URB1: variants seen among roughly 807,000 people sequenced by gnomAD.
URB1 encodes the protein URB1 ribosome biogenesis factor.
Under a neutral mutation model 242.3 loss-of-function variants are expected in URB1, and 197 were observed. The ratio of observed to expected loss-of-function variants is 0.81; its 90% CI spans 0.72 to 0.91. URB1 has a LOEUF of 0.91. Among genes scored for constraint, URB1 ranks in the 40% least tolerant of loss-of-function variants. The pLI, the probability that URB1 is intolerant of heterozygous loss-of-function variation, is 0.00. For missense variants in URB1, 2,721 were observed against 2,860.5 expected (o/e 0.95, Z 1.11); for synonymous variants, 1,153 against 1,201.8 (o/e 0.96, Z 0.84).
At chr21:32,343,408 C>T (rs985803614) in intron 24 of URB1, among the ~76,000 whole-genome samples, 5 of 152,136 alleles carry the variant, frequency 3.3e-5, no homozygotes, top group African/African-American at 4.8e-5. Context: ...AGAAGTGAAA[C>T]GCATCACAGT....
chr21:32,318,948 C>T (rs887269425), intron 36 of URB1, among the ~76,000 whole-genome samples: 5 of 152,136 alleles, frequency 3.3e-5, no homozygotes, highest in African/African-American at 1.2e-4. Context: ...TCGTACGATG[C>T]ACATTAGGTG....
At chr21:32,362,963 A>G (rs1216830328) in intron 11 of URB1, among the ~76,000 whole-genome samples, 193 bp downstream of exon 11, 1 of 152,200 alleles carries the variant, frequency 6.6e-6, no homozygotes, top group Non-Finnish European at 1.5e-5. Context: ...GCTCTGTGAC[A>G]TCACTGCCTA....
chr21:32,379,013 A>C lies in URB1; in HGVS notation c.568-472T>G, dbSNP rs1044496456. 5.9e-5 allele frequency among the ~76,000 whole-genome samples: 9 copies of C among 152,330 alleles called. No individual in the cohort carries two copies. In the South Asian group the frequency reaches 1.0e-3, roughly 18 times the overall value. On this transcript the variant is annotated intron_variant, in intron 4 of 38. Coordinates refer to ENST00000382751, the MANE Select transcript of URB1 (RefSeq NM_014825.3). ...TGTGGTGATGTCTGGTTTTTATGAG[A>C]TATTATAAATAACTTATTAGCTCAT...
In URB1 at chr21:32,350,825, C is replaced by T. The variant is rs941750836; in HGVS notation, c.2711G>A (p.Arg904Gln). Reference sequence around the variant, plus strand: ...CAGCTGCACCTGGATGTGCTCGTCCCGAAGCGCTTGGCTCTCGTAGGCTGC... The same window carrying T: ...CAGCTGCACCTGGATGTGCTCGTCCTGAAGCGCTTGGCTCTCGTAGGCTGC... ...LQAAYESQAL[R>Q]DEHIQVQLQA... The change falls in exon 20 of 39, where the codon CGG (arginine) becomes CAG (glutamine). Residue 904 changes from arginine to glutamine, a missense_variant. Transcript: ENST00000382751. 21 of 1,551,184 alleles carry T rather than the reference C, an allele frequency of 1.4e-5. No individual in the cohort carries two copies. The Admixed American group carries it at 1.6e-4, about 12-fold the overall frequency.
intron 1 of URB1, among the ~76,000 whole-genome samples, chr21:32,388,133 A>G (rs2033602512): frequency 6.6e-6 from 1 of 152,182 alleles, no homozygotes; most frequent in East Asian, 1.9e-4. Flanking sequence ...ACATACCAGA[A>G]AAGAACAAAA....
At position 32,322,487 on chromosome 21, in the gene URB1, G is replaced by A. The variant is rs1265947618; in HGVS notation, c.5331C>T (p.Ser1777=). ...GACTCTGGAAGCATACCTCAAAGTC[G>A]GAGCTGTAGAAGAACTGGTAGAAGC... The part of the protein sequence containing the change: ...VPGFYQFFYS[S]DFEQKTEQKW... The change falls in exon 33 of 39, where the codon TCC becomes TCT. Residue 1777 remains serine, a synonymous_variant. Coordinates refer to ENST00000382751, the MANE Select transcript of URB1 (RefSeq NM_014825.3). The A allele has an allele frequency of 3.2e-6, 5 of 1,552,144 alleles. No homozygotes were observed. The highest frequency in any genetic ancestry group is 4.4e-6 in the Non-Finnish European group (5 of 1,147,076).
At chr21:32,384,190 G>A (rs1708031903) in intron 3 of URB1, 123 bp downstream of exon 3, 5 of 1,228,510 alleles carry the variant, frequency 4.1e-6, no homozygotes, top group Non-Finnish European at 5.5e-6. Flanking sequence ...CGGTCACTGT[G>A]GCCTCGGAAA....
chr21:32,377,014 C>T (rs2033466867), intron 5 of URB1, among the ~76,000 whole-genome samples: 1 of 152,162 alleles, frequency 6.6e-6, no homozygotes, highest in Admixed American at 6.6e-5. Flanking sequence ...CCCCAATTTG[C>T]TCAGCCAATC....
Position 32,334,288 on chromosome 21 carries a change from G to A in URB1, c.4732C>T (p.Arg1578Trp), listed in dbSNP as rs765610532. 15 of 1,551,402 alleles carry A rather than the reference G, an allele frequency of 9.7e-6. No homozygotes were observed. Among genetic ancestry groups the A allele is most frequent in the Admixed American group, 7.8e-5 (4 of 50,978 alleles). Residue 1578 changes from arginine to tryptophan, a missense_variant, in exon 29 of 39, where the codon CGG becomes TGG. By Grantham distance (101) the Arg-to-Trp change is moderately radical (BLOSUM62 -3). Coordinates refer to ENST00000382751, the MANE Select transcript of URB1 (RefSeq NM_014825.3). ...TGCCACAGTGACCTGCCCAGGCTCC[G>A]GCACGTCTTGTGATGCTCCACGGCC... ...PAAVEHHKTCRSLGRSLWQQP... is the reference protein window; with the variant it reads ...PAAVEHHKTCWSLGRSLWQQP...
intron 1 of URB1, among the ~76,000 whole-genome samples, chr21:32,391,170 G>C (rs982430632): frequency 5.6e-5 from 8 of 144,012 alleles, no homozygotes; most frequent in African/African-American, 2.0e-4. Flanking sequence ...TGAACAATGA[G>C]AACACATGGA....
At chr21:32,328,116 T>C (rs8134971) in intron 30 of URB1, among the ~76,000 whole-genome samples, 34,491 of 152,136 alleles carry the variant, frequency 0.23, 4,827 homozygotes, top group East Asian at 0.42. Flanking sequence ...CATAGCAGTT[T>C]AGGAACAAAA....
At chr21:32,315,859 C>G (rs926128187) in intron 38 of URB1, among the ~76,000 whole-genome samples, 1 of 152,172 alleles carries the variant, frequency 6.6e-6, no homozygotes, top group Non-Finnish European at 1.5e-5. Context: ...AGGCTGCCAG[C>G]CCCTCCCTCC....
At chr21:32,363,052 C>T (rs1452101125) in intron 11 of URB1, 104 bp downstream of exon 11, 21 of 1,407,016 alleles carry the variant, frequency 1.5e-5, no homozygotes, top group South Asian at 8.8e-5. Context: ...TCCAACCCTG[C>T]GGCTCCAAGG....
chr21:32,337,349 C>T (rs2123565716), intron 27 of URB1, 55 bp downstream of exon 27: 1 of 1,481,422 alleles, frequency 6.8e-7, no homozygotes, highest in Non-Finnish European at 9.2e-7. Context: ...TCTGCTCACA[C>T]CCCCGGCCCT....
chr21:32,372,445 CAT>C, intron 8 of URB1, 60 bp downstream of exon 8: 1 of 1,521,208 alleles, frequency 6.6e-7, no homozygotes, highest in South Asian at 1.3e-5. Context: ...TAGACACTCA[CAT>C]ATGTGGTGAC....
At chr21:32,379,181 C>G (rs533433132) in intron 4 of URB1, among the ~76,000 whole-genome samples, 1 of 152,234 alleles carries the variant, frequency 6.6e-6, no homozygotes, top group Non-Finnish European at 1.5e-5. Context: ...GTGACAGCAG[C>G]CAGTGCCTCT....
chr21:32,347,866 G>A, intron 21 of URB1, 55 bp from the exon 22 acceptor site: 3 of 1,471,274 alleles, frequency 2.0e-6, no homozygotes, highest in Non-Finnish European at 1.8e-6. Flanking sequence ...CTAAGACAGG[G>A]GCGGCAGCTG....
At chr21:32,343,540 A>G (rs2033053453) in intron 24 of URB1, among the ~76,000 whole-genome samples, 1 of 152,226 alleles carries the variant, frequency 6.6e-6, no homozygotes, top group Non-Finnish European at 1.5e-5. Context: ...GATTTTGAGA[A>G]GATGCACAAG....
chr21:32,383,418 T>C lies in URB1; in HGVS notation c.567+4A>G, dbSNP rs2033548404. Reference sequence around the variant, plus strand: ...GAAGGCACGAGACACTGTGGTCCCCTCACCTTTGAATCCCTCTTGGTCACC... The same window carrying C: ...GAAGGCACGAGACACTGTGGTCCCCCCACCTTTGAATCCCTCTTGGTCACC... On this transcript the variant is annotated splice_donor_region_variant and intron_variant, in intron 4 of 38. Coordinates refer to ENST00000382751, the MANE Select transcript of URB1 (RefSeq NM_014825.3). The C allele has an allele frequency of 6.4e-7, 1 of 1,550,566 alleles. No homozygotes were observed. The highest frequency in any genetic ancestry group is 2.4e-5 in the East Asian group (1 of 40,882).
Sources: allele counts gnomAD v4.1 joint callset (sites outside exome capture counted in the v4.1 genomes callset), GRCh38; gene constraint gnomAD v4.1.1; transcripts MANE v1.5; gene names NCBI Gene and HGNC (gene_info 2026-07-23, HGNC 2026-07-21).